APC: variants seen among roughly 807,000 people sequenced by gnomAD.
APC encodes adenomatous polyposis coli protein.
Under a neutral mutation model 247.0 loss-of-function variants are expected in APC, and 72 were observed. That is an observed-to-expected ratio of 0.29 (90% CI 0.24 to 0.35). APC has a LOEUF of 0.35. Among genes scored for constraint, APC ranks in the 10% least tolerant of loss-of-function variants. APC has a pLI of 1.00. For synonymous variants in APC, 1,254 were observed against 1,162.5 expected (o/e 1.08, Z -1.60); for missense variants, 3,400 against 3,360.7 (o/e 1.01, Z -0.29).
intron 1 of APC, among the ~76,000 whole-genome samples, chr5:112,715,682 AT>A (rs1751130792): frequency 6.6e-6 from 1 of 152,174 alleles, no homozygotes; most frequent in Non-Finnish European, 1.5e-5. Context: ...GTACATATTT[AT>A]GGGGTACATG....
In APC at chr5:112,820,494, A is replaced by C. The variant is rs1296171026; in HGVS notation, c.1312+1150A>C. ...TGAGACACTATCTCATTTTTAAAAA[A>C]TTTAAAAAGCATAAGAAAAAAGGGA... On this transcript the variant is annotated intron_variant, in intron 10 of 15. Coordinates refer to ENST00000257430, the MANE Select transcript of APC (RefSeq NM_000038.6). Among the ~76,000 whole-genome samples the C allele has an allele frequency of 2.6e-5, 4 of 152,280 alleles. No homozygotes were observed. In the East Asian group the frequency reaches 7.7e-4, roughly 29 times the overall value.
rs1321315419 is a variant in APC at position 112,745,675 on chromosome 5, C to T, written c.-19+7750C>T. ...ACCTCAAGCGATTCTCCTGTCTTAG[C>T]GACCCCCCCACCCCACACCATAGCT... On this transcript the variant is annotated intron_variant, in intron 1 of 15. Transcript: ENST00000257430. 3.3e-5 allele frequency among the ~76,000 whole-genome samples: 5 copies of T among 151,866 alleles called. 1 individual carries two copies. The highest frequency in any genetic ancestry group is 1.2e-4 in the African/African-American group (5 of 41,340).
chr5:112,773,981 T>C (rs1370064456), intron 4 of APC, among the ~76,000 whole-genome samples: 2 of 152,212 alleles, frequency 1.3e-5, no homozygotes, highest in Non-Finnish European at 2.9e-5. Context: ...GATGGTAGCA[T>C]ACATTGGTAT....
Position 112,839,984 on chromosome 5 carries a change from G to A in APC, c.4390G>A (p.Glu1464Lys), listed in dbSNP as rs2149913545. ...TAAAGCACCTACTGCTGAAAAGAGA[G>A]AGAGTGGACCTAAGCAAGCTGCAGT... ...KNKAPTAEKRESGPKQAAVNA... is the reference protein window; with the variant it reads ...KNKAPTAEKRKSGPKQAAVNA... Residue 1464 changes from glutamate (E) to lysine (K), a missense_variant, in exon 16 of 16, where the codon GAG becomes AAG. This residue lies in a region of APC where 1,788 missense variants were observed against 1,649.5 expected (regional missense o/e 1.08). Coordinates refer to ENST00000257430, the MANE Select transcript of APC (RefSeq NM_000038.6). This position sits in a 1 kb window ranked among gnomAD's most constrained non-coding sequence, Gnocchi z 5.0. The A allele has an allele frequency of 6.2e-7, 1 of 1,614,152 alleles. No homozygotes were observed. Among genetic ancestry groups the A allele is most frequent in the Non-Finnish European group, 8.5e-7 (1 of 1,180,032 alleles).
intron 1 of APC, among the ~76,000 whole-genome samples, chr5:112,726,756 C>T (rs1434342121): frequency 6.6e-6 from 1 of 152,004 alleles, no homozygotes; most frequent in Non-Finnish European, 1.5e-5. Context: ...ATTCTTAAAC[C>T]TTTCTGCTTG....
chr5:112,769,988 T>A (rs545662293), intron 4 of APC, among the ~76,000 whole-genome samples: 1 of 136,948 alleles, frequency 7.3e-6, no homozygotes, highest in Admixed American at 6.9e-5. Flanking sequence ...CATCTCTTTT[T>A]CCCCTTTGAG....
chr5:112,780,693 T>G, intron 5 of APC, 97 bp from the exon 6 acceptor site: 1 of 836,884 alleles, frequency 1.2e-6, no homozygotes, highest in South Asian at 1.5e-5. Flanking sequence ...ACGTATTTGC[T>G]TATTCATTTT....
At chr5:112,823,195 A>G (rs964959182) in intron 11 of APC, 1 of 152,684 alleles carries the variant, frequency 6.5e-6, no homozygotes, top group Non-Finnish European at 1.5e-5. Context: ...CTCAAAAGTT[A>G]TTCTGTAAAT....
At chr5:112,834,039 C>A (rs1356161633) in intron 14 of APC, among the ~76,000 whole-genome samples, 2 of 151,778 alleles carry the variant, frequency 1.3e-5, no homozygotes, top group Non-Finnish European at 2.9e-5. Context: ...GCAGCCTTGA[C>A]CTCCCAGGCG....
chr5:112,795,352 AATCAGAAAGCTGCAC>A (rs1200927946), intron 7 of APC, among the ~76,000 whole-genome samples: 1 of 152,196 alleles, frequency 6.6e-6, no homozygotes, highest in Non-Finnish European at 1.5e-5. Flanking sequence ...TGTATTCACC[AATCAGAAAGCTGCAC>A]TGAGTTTTGG....
chr5:112,755,585 A>G lies in APC; in HGVS notation c.135+560A>G, dbSNP rs115807033. 6.1e-3 allele frequency among the ~76,000 whole-genome samples: 927 copies of G among 152,324 alleles called. 7 individuals are homozygous for G. Among genetic ancestry groups the G allele is most frequent in the Middle Eastern group, 0.01 (3 of 294 alleles). ...GTCTTATTTGGCAAGTACAGGCATCACACTAGTCTAGATGATTTCCATGGC... is the reference window on the plus strand; with the variant it reads ...GTCTTATTTGGCAAGTACAGGCATCGCACTAGTCTAGATGATTTCCATGGC... On this transcript the variant is annotated intron_variant, in intron 2 of 15. Coordinates refer to ENST00000257430, the MANE Select transcript of APC (RefSeq NM_000038.6).
In APC at chr5:112,790,346, G is replaced by A. The variant is rs926045972; in HGVS notation, c.646-2100G>A. On this transcript the variant is annotated intron_variant, in intron 6 of 15. Coordinates refer to ENST00000257430, the MANE Select transcript of APC (RefSeq NM_000038.6). Reference sequence around the variant, plus strand: ...TGGGGGTTGTTTTTGTTTTTGTTTTGAGACGGAGTCTCACTCTCGCCCAGG... The same window carrying A: ...TGGGGGTTGTTTTTGTTTTTGTTTTAAGACGGAGTCTCACTCTCGCCCAGG... Among the ~76,000 whole-genome samples the A allele has an allele frequency of 5.9e-4, 90 of 151,554 alleles. 1 individual carries two copies. The highest frequency in any genetic ancestry group is 2.0e-3 in the African/African-American group (83 of 41,266).
rs201459013 is a variant in APC, at chr5:112,844,091, C to T, written c.8497C>T (p.Arg2833Cys). The T allele has an allele frequency of 1.9e-6, 3 of 1,611,660 alleles. No individual in the cohort carries two copies. Among genetic ancestry groups the T allele is most frequent in the Non-Finnish European group, 8.5e-7 (1 of 1,179,370 alleles). The change falls in exon 16 of 16, where the codon CGC becomes TGC. Residue 2833 changes from arginine (R) to cysteine (C), a missense_variant. Arg to Cys is a radical substitution (Grantham distance 180, BLOSUM62 -3). Coordinates refer to ENST00000257430, the MANE Select transcript of APC (RefSeq NM_000038.6). ...TESSGTQSPK[R>C]HSGSYLVTSV is the part of the protein sequence containing the mutation. ...ATCCAGTGGAACCCAAAGTCCTAAG[C>T]GCCATTCTGGGTCTTACCTTGTGAC...
chr5:112,835,006 C>G lies in APC; in HGVS notation c.1799C>G (p.Thr600Ser), dbSNP rs1269090982. ...SALWNLSAHCTENKADICAVD... is the reference protein window; with the variant it reads ...SALWNLSAHCSENKADICAVD... The stretch of plus-strand genomic sequence containing the variant: ...TTATGGAATTTGTCAGCACATTGCA[C>G]TGAGAATAAAGCTGATATATGTGCT... The change falls in exon 15 of 16, where the codon ACT becomes AGT. Residue 600 changes from threonine to serine, a missense_variant. Thr to Ser is a moderately conservative substitution (Grantham distance 58). Coordinates refer to ENST00000257430, the MANE Select transcript of APC (RefSeq NM_000038.6). 2 of 1,614,052 alleles carry G rather than the reference C, an allele frequency of 1.2e-6. No individual in the cohort carries two copies. The highest frequency in any genetic ancestry group is 1.3e-5 in the African/African-American group (1 of 75,018).
At position 112,843,523 on chromosome 5, in the gene APC, A is replaced by G. The variant is rs138796072; in HGVS notation, c.7929A>G (p.Leu2643=). The change falls in exon 16 of 16, where the codon CTA becomes CTG. Residue 2643 remains leucine, a synonymous_variant. Coordinates refer to ENST00000257430, the MANE Select transcript of APC (RefSeq NM_000038.6). This position sits in a 1 kb window ranked among gnomAD's most constrained non-coding sequence, Gnocchi z 4.8. ...CAAATGGTGCTGAATCAAAGACTCTAATTTATCAAATGGCACCTGCTGTTT... is the reference window on the plus strand; with the variant it reads ...CAAATGGTGCTGAATCAAAGACTCTGATTTATCAAATGGCACCTGCTGTTT... ...GATNGAESKT[L]IYQMAPAVSK... 6.9e-5 allele frequency: 111 copies of G among 1,613,620 alleles called. No individual in the cohort carries two copies. The highest frequency in any genetic ancestry group is 9.1e-5 in the Non-Finnish European group (107 of 1,179,686).
At chr5:112,707,984 CTCTCT>C in intron 1 of APC, 1 of 1,166,268 alleles carries the variant, frequency 8.6e-7, no homozygotes, top group East Asian at 3.8e-5. Context: ...GACTCTGTGG[CTCTCT>C]TCTCTCCATG....
intron 1 of APC, among the ~76,000 whole-genome samples, chr5:112,708,478 G>T (rs552101870): frequency 1.3e-5 from 2 of 152,212 alleles, no homozygotes; most frequent in African/African-American, 4.8e-5. Flanking sequence ...TTCGGCTGTA[G>T]GAAATCTTTG....
intron 5 of APC, chr5:112,777,684 C>T (rs1347777964): frequency 4.7e-6 from 1 of 214,946 alleles, no homozygotes; most frequent in Non-Finnish European, 1.1e-5. Context: ...GTTAGTTTCT[C>T]TTTTATAAGC....
rs2149959739 is a variant in APC, at chr5:112,841,804, C to T, written c.6210C>T (p.Gly2070=). The T allele has an allele frequency of 5.0e-6, 8 of 1,613,966 alleles. No individual in the cohort carries two copies. The highest frequency in any genetic ancestry group is 6.8e-6 in the Non-Finnish European group (8 of 1,179,892). Reference sequence around the variant, plus strand: ...AACATAGTCCCAGAAATATGGGTGGCATATTAGGTGAAGATCTGACACTTG... The same window carrying T: ...AACATAGTCCCAGAAATATGGGTGGTATATTAGGTGAAGATCTGACACTTG... ...NEKHSPRNMG[G]ILGEDLTLDL... The change falls in exon 16 of 16, where the codon GGC becomes GGT. Residue 2070 remains glycine (G), a synonymous_variant. Coordinates refer to ENST00000257430, the MANE Select transcript of APC (RefSeq NM_000038.6). The surrounding 1 kb of genome is among the most constrained non-coding windows in gnomAD (Gnocchi z 4.6).
Sources: gnomAD v4.1 joint callset for allele counts (sites outside exome capture counted in the v4.1 genomes callset) on GRCh38, gnomAD v4.1.1 for gene constraint, gnomAD v4.1.1 regional missense constraint, Gnocchi (gnomAD v3.1) non-coding constraint, MANE v1.5 for transcripts, NCBI Gene and HGNC (gene_info 2026-07-23, HGNC 2026-07-21) for gene names.